Variants in CAPZB observed in about 807,000 individuals in gnomAD.
The protein encoded by CAPZB is capping actin protein of muscle Z-line subunit beta.
A neutral mutation model predicts 38.1 loss-of-function variants in CAPZB; 2 were observed. That is an observed-to-expected ratio of 0.05 (90% CI 0.02 to 0.17). CAPZB has a LOEUF of 0.17. Among genes scored for constraint, CAPZB ranks in the 10% least tolerant of loss-of-function variants. CAPZB has a pLI of 1.00. For missense variants in CAPZB, 161 were observed against 334.2 expected (o/e 0.48, Z 4.04); for synonymous variants, 107 against 127.4 (o/e 0.84, Z 1.08).
intron 8 of CAPZB, among the ~76,000 whole-genome samples, chr1:19,341,942 C>T (rs2093931646): frequency 6.6e-6 from 1 of 152,216 alleles, no homozygotes; most frequent in Non-Finnish European, 1.5e-5. Context: ...GGCTCTGCAG[C>T]CCCAGTTGGC....
intron 1 of CAPZB, among the ~76,000 whole-genome samples, chr1:19,468,643 C>A (rs964959910): frequency 2.6e-5 from 4 of 152,148 alleles, no homozygotes; most frequent in African/African-American, 7.2e-5. Context: ...AGCCTCCTTC[C>A]ACCCAGGACT....
intron 6 of CAPZB, among the ~76,000 whole-genome samples, chr1:19,351,954 C>T (rs2093993905): frequency 6.6e-6 from 1 of 152,188 alleles, no homozygotes; most frequent in African/African-American, 2.4e-5. Context: ...GTCACTCCAC[C>T]CCAGGTCATC....
intron 2 of CAPZB, among the ~76,000 whole-genome samples, chr1:19,391,156 C>T (rs532891392): frequency 5.4e-4 from 82 of 151,938 alleles, no homozygotes; most frequent in African/African-American, 1.8e-3. Flanking sequence ...AAGTGAGGTT[C>T]GTGTTTGTGC....
At chr1:19,341,010 G>A (rs939018115) in intron 8 of CAPZB, among the ~76,000 whole-genome samples, 2 of 152,132 alleles carry the variant, frequency 1.3e-5, no homozygotes, top group East Asian at 1.9e-4. Context: ...GTGAAGCAGG[G>A]CCCAGGAGAA....
intron 4 of CAPZB, among the ~76,000 whole-genome samples, chr1:19,365,660 G>A (rs376854827): frequency 7.9e-5 from 12 of 151,942 alleles, no homozygotes; most frequent in African/African-American, 2.4e-4. Context: ...GAGAAGCCCC[G>A]TCTCTATTAA....
chr1:19,381,387 G>A (rs1438166194), intron 3 of CAPZB, among the ~76,000 whole-genome samples: 1 of 151,854 alleles, frequency 6.6e-6, no homozygotes, highest in Non-Finnish European at 1.5e-5. Flanking sequence ...ACAGCAGAGA[G>A]CCTGTGCTGC....
In CAPZB at chr1:19,435,939, T is replaced by C. The variant is rs568097538; in HGVS notation, c.4-16189A>G. On this transcript the variant is annotated intron_variant, in intron 1 of 8. Coordinates refer to ENST00000264202, the MANE Select transcript of CAPZB (RefSeq NM_004930.5). The stretch of plus-strand genomic sequence containing the variant: ...AAGTGAGGAAGGCAGCACCGCTCTC[T>C]AGTTAAGGATACAGGTTGGAAAGCA... 5.3e-5 allele frequency among the ~76,000 whole-genome samples: 8 copies of C among 152,334 alleles called. No homozygotes were observed. In the South Asian group the frequency reaches 8.3e-4, roughly 16 times the overall value.
At chr1:19,480,126 T>C (rs905442552) in intron 1 of CAPZB, among the ~76,000 whole-genome samples, 4 of 152,080 alleles carry the variant, frequency 2.6e-5, no homozygotes, top group Non-Finnish European at 4.4e-5. Context: ...GGCTAAGTCT[T>C]TTCTAGTACT....
intron 1 of CAPZB, among the ~76,000 whole-genome samples, chr1:19,470,361 G>C (rs780134244): frequency 2.6e-5 from 4 of 152,184 alleles, no homozygotes; most frequent in Non-Finnish European, 5.9e-5. Context: ...AGATCAAAGG[G>C]ACCTGGGCTT....
At chr1:19,418,708 T>C (rs1336338719) in intron 2 of CAPZB, among the ~76,000 whole-genome samples, 1 of 152,236 alleles carries the variant, frequency 6.6e-6, no homozygotes, top group African/African-American at 2.4e-5. Flanking sequence ...GGCTGCTGTA[T>C]AAAGTTTTCT....
intron 2 of CAPZB, among the ~76,000 whole-genome samples, chr1:19,387,228 C>T (rs2094208972): frequency 6.6e-6 from 1 of 152,194 alleles, no homozygotes; most frequent in African/African-American, 2.4e-5. Context: ...GAAAACAAAA[C>T]CAGGGCCAGA....
rs149016580 is a variant in CAPZB, at chr1:19,350,671, G to A, written c.589-5419C>T. Reference sequence around the variant, plus strand: ...GCTGTGTTGCCCAGGCTGGAGCACAGTGTTGTCACCACGGCTCACTGCAAC... The same window carrying A: ...GCTGTGTTGCCCAGGCTGGAGCACAATGTTGTCACCACGGCTCACTGCAAC... On this transcript the variant is annotated intron_variant, in intron 6 of 8. Coordinates refer to ENST00000264202, the MANE Select transcript of CAPZB (RefSeq NM_004930.5). 2.1e-3 allele frequency among the ~76,000 whole-genome samples: 326 copies of A among 151,766 alleles called. 7 individuals carry two copies. Among genetic ancestry groups the A allele is most frequent in the East Asian group, 0.018 (93 of 5,126 alleles).
intron 4 of CAPZB, among the ~76,000 whole-genome samples, chr1:19,373,221 G>T (rs2094127957): frequency 6.6e-6 from 1 of 152,080 alleles, no homozygotes. Context: ...GAGCCGTGAG[G>T]ACACACGGCT....
intron 2 of CAPZB, among the ~76,000 whole-genome samples, chr1:19,413,389 A>T (rs2094365682): frequency 6.6e-6 from 1 of 152,246 alleles, no homozygotes; most frequent in South Asian, 2.1e-4. Context: ...ACTGGAGTGT[A>T]GTGGGGTGAT....
chr1:19,410,589 T>A (rs2094353327), intron 2 of CAPZB, among the ~76,000 whole-genome samples: 1 of 152,060 alleles, frequency 6.6e-6, no homozygotes. Flanking sequence ...GAGCGGCGGC[T>A]CCTCTGCTGG....
chr1:19,372,855 G>A (rs2094126206), intron 4 of CAPZB, among the ~76,000 whole-genome samples: 1 of 152,106 alleles, frequency 6.6e-6, no homozygotes, highest in Non-Finnish European at 1.5e-5. Flanking sequence ...ACCATCTTGG[G>A]GCTTGGTAGA....
At chr1:19,443,288 C>T (rs1026722199) in intron 1 of CAPZB, among the ~76,000 whole-genome samples, 1 of 151,764 alleles carries the variant, frequency 6.6e-6, no homozygotes, top group African/African-American at 2.4e-5. Context: ...CCCAGCTACT[C>T]GGGAGGCTGA....
chr1:19,351,189 G>A (rs1290180443), intron 6 of CAPZB, among the ~76,000 whole-genome samples: 6 of 150,616 alleles, frequency 4.0e-5, no homozygotes, highest in Admixed American at 1.3e-4. Context: ...CACCGTGTTG[G>A]TCAGGCTGAT....
At chr1:19,398,532 G>A (rs993874420) in intron 2 of CAPZB, among the ~76,000 whole-genome samples, 7 of 152,074 alleles carry the variant, frequency 4.6e-5, no homozygotes, top group African/African-American at 1.4e-4. Context: ...GTGGGGGAGC[G>A]GGTGCTAAGG....
Sources: allele counts gnomAD v4.1 joint callset (sites outside exome capture counted in the v4.1 genomes callset), GRCh38; gene constraint gnomAD v4.1.1; transcripts MANE v1.5; gene names NCBI Gene and HGNC (gene_info 2026-07-23, HGNC 2026-07-21).